LGSN: variants seen among roughly 807,000 people sequenced by gnomAD.
LGSN encodes lengsin.
In LGSN, 21 loss-of-function variants were observed where a neutral mutation model predicts 19.5. The observed-to-expected ratio is 1.07, with a 90% CI of 0.76 to 1.55. The LOEUF (loss-of-function observed/expected upper bound fraction) is 1.55, where lower values mean the gene tolerates loss of function less well. Ranked by LOEUF, LGSN falls within the 40% of genes most tolerant of loss-of-function variation. The pLI is 0.00. For missense variants in LGSN, 673 were observed against 608.5 expected (o/e 1.11, Z -1.12); for synonymous variants, 257 against 215.6 (o/e 1.19, Z -1.68).
At chr6:63,545,873 G>A in the LGSN span, among the ~76,000 whole-genome samples, 1 of 151,928 alleles carries the variant, frequency 6.6e-6, no homozygotes, top group African/African-American at 2.4e-5. Context: ...AGAAAAAAAA[G>A]AAAAGAAAGA....
At chr6:63,447,246 C>G in the LGSN span, among the ~76,000 whole-genome samples, 1 of 152,170 alleles carries the variant, frequency 6.6e-6, no homozygotes, top group Admixed American at 6.5e-5. Flanking sequence ...AATGTGAGGG[C>G]TGGCATGTCT....
the LGSN span, among the ~76,000 whole-genome samples, chr6:63,518,356 T>C: frequency 9.3e-4 from 142 of 152,266 alleles, no homozygotes; most frequent in South Asian, 0.014. Context: ...ACAGCTTAGG[T>C]ATCTTGAGGT....
the LGSN span, among the ~76,000 whole-genome samples, chr6:63,422,638 T>C: frequency 6.6e-6 from 1 of 152,160 alleles, no homozygotes. Context: ...ATATTACCTT[T>C]CCCTCAAATG....
At chr6:63,448,277 A>G in the LGSN span, among the ~76,000 whole-genome samples, 1 of 152,234 alleles carries the variant, frequency 6.6e-6, no homozygotes, top group Non-Finnish European at 1.5e-5. Context: ...ACCATGTACA[A>G]AAAGGACAAC....
the LGSN span, among the ~76,000 whole-genome samples, chr6:63,389,985 A>G: frequency 6.6e-6 from 1 of 152,182 alleles, no homozygotes; most frequent in Non-Finnish European, 1.5e-5. Flanking sequence ...ATCTAAGCCT[A>G]AAGAAAACAC....
chr6:63,560,402 CT>C, the LGSN span, among the ~76,000 whole-genome samples: 320 of 141,506 alleles, frequency 2.3e-3, 3 homozygotes, highest in East Asian at 0.013. Flanking sequence ...AACACAAAGC[CT>C]TTTTTTTTTT....
the LGSN span, among the ~76,000 whole-genome samples, chr6:63,451,454 G>A: frequency 6.6e-6 from 1 of 152,180 alleles, no homozygotes; most frequent in Non-Finnish European, 1.5e-5. Context: ...CATGGGTGGA[G>A]CTAGAGGCCA....
chr6:63,366,161 A>C, the LGSN span, among the ~76,000 whole-genome samples: 1 of 152,098 alleles, frequency 6.6e-6, no homozygotes, highest in South Asian at 2.1e-4. Flanking sequence ...CCCTGTTTGC[A>C]GGTGACATGA....
chr6:63,431,361 G>A, the LGSN span, among the ~76,000 whole-genome samples: 1 of 152,194 alleles, frequency 6.6e-6, no homozygotes, highest in African/African-American at 2.4e-5. Flanking sequence ...AGGCAGAAGA[G>A]AAAGAGCATT....
chr6:63,391,885 A>G, the LGSN span, among the ~76,000 whole-genome samples: 2 of 152,198 alleles, frequency 1.3e-5, no homozygotes, highest in South Asian at 2.1e-4. Flanking sequence ...ACATGGAAGG[A>G]CAATGAGCAT....
chr6:63,417,373 G>T, the LGSN span, among the ~76,000 whole-genome samples: 2 of 152,010 alleles, frequency 1.3e-5, no homozygotes, highest in East Asian at 1.9e-4. Context: ...GCTTTTCAGG[G>T]CCCTTCCTCT....
the LGSN span, among the ~76,000 whole-genome samples, chr6:63,360,356 G>T: frequency 6.6e-6 from 1 of 152,228 alleles, no homozygotes; most frequent in African/African-American, 2.4e-5. Flanking sequence ...GGCTTTGTTT[G>T]TTTCTTTTTA....
the LGSN span, among the ~76,000 whole-genome samples, chr6:63,494,712 T>C: frequency 5.3e-5 from 8 of 152,218 alleles, no homozygotes; most frequent in Non-Finnish European, 1.2e-4. Flanking sequence ...TCCTCCCCCA[T>C]GAACCCAGCT....
chr6:63,424,362 G>T, the LGSN span, among the ~76,000 whole-genome samples: 2 of 151,914 alleles, frequency 1.3e-5, no homozygotes, highest in Non-Finnish European at 2.9e-5. Context: ...AAATCTCCAG[G>T]CCTAGATATT....
the LGSN span, among the ~76,000 whole-genome samples, chr6:63,503,980 C>A: frequency 4.6e-5 from 7 of 151,980 alleles, no homozygotes; most frequent in Non-Finnish European, 1.0e-4. Flanking sequence ...ATAGTAACAA[C>A]AATAATAATA....
chr6:63,515,138 G>T, the LGSN span, among the ~76,000 whole-genome samples: 1 of 152,136 alleles, frequency 6.6e-6, no homozygotes, highest in Non-Finnish European at 1.5e-5. Context: ...GAGTAGCCAG[G>T]ACTACAGGCA....
At chr6:63,346,290 T>G in the LGSN span, among the ~76,000 whole-genome samples, 1 of 152,064 alleles carries the variant, frequency 6.6e-6, no homozygotes, top group African/African-American at 2.4e-5. Context: ...GCCTGGAACT[T>G]TTGAGCCCAC....
At chr6:63,381,444 G>A in the LGSN span, among the ~76,000 whole-genome samples, 2 of 152,182 alleles carry the variant, frequency 1.3e-5, no homozygotes, top group African/African-American at 2.4e-5. Context: ...GAAAAGAGTA[G>A]TACTAAGAAA....
the LGSN span, among the ~76,000 whole-genome samples, chr6:63,327,730 T>C: frequency 2.0e-5 from 3 of 152,202 alleles, no homozygotes; most frequent in Non-Finnish European, 4.4e-5. Flanking sequence ...TGTTTTTTCT[T>C]TACTACTTCC....
Sources: allele counts gnomAD v4.1 joint callset (sites outside exome capture counted in the v4.1 genomes callset), GRCh38; gene constraint gnomAD v4.1.1; transcripts MANE v1.5; gene names NCBI Gene and HGNC (gene_info 2026-07-23, HGNC 2026-07-21).